DLG2: variants seen among roughly 807,000 people sequenced by gnomAD.
DLG2 encodes the protein disks large homolog 2.
A neutral mutation model predicts 132.5 loss-of-function variants in DLG2; 45 were observed. The observed-to-expected ratio is 0.34, with a 90% confidence interval of 0.27 to 0.44. The LOEUF (loss-of-function observed/expected upper bound fraction) is 0.44, where lower values mean the gene tolerates loss of function less well. Ranked by LOEUF, DLG2 falls within the 20% of genes least tolerant of loss-of-function variation. DLG2 has a pLI of 1.00. For missense variants in DLG2, 1,045 were observed against 1,196.9 expected (o/e 0.87, Z 1.87); for synonymous variants, 424 against 419.6 (o/e 1.01, Z -0.13).
chr11:84,844,135 G>GTATATA lies in DLG2; in HGVS notation c.357+267520_357+267525dup, dbSNP rs74200849. 5.9e-3 allele frequency among the ~76,000 whole-genome samples: 258 copies of GTATATA among 43,618 alleles called. 4 individuals carry two copies. The highest frequency in any genetic ancestry group is 0.031 in the East Asian group (50 of 1,612). 28.6% of individuals were successfully genotyped at this position (43,618 alleles called of 152,430 possible). On this transcript the variant is annotated intron_variant, in intron 6 of 27. Coordinates refer to ENST00000376104, the MANE Select transcript of DLG2 (RefSeq NM_001142699.3). ...TGTGTGTGTGTGTGTGTGTGTGTGT[G>GTATATA]TATATATATATATATATATATATAT...
chr11:84,297,160 T>C (rs1187181622), intron 7 of DLG2, among the ~76,000 whole-genome samples: 1 of 147,798 alleles, frequency 6.8e-6, no homozygotes. Flanking sequence ...ACGAGCATGA[T>C]TGATTAATAT....
At chr11:84,655,322 G>T (rs1473815706) in intron 6 of DLG2, among the ~76,000 whole-genome samples, 1 of 152,114 alleles carries the variant, frequency 6.6e-6, no homozygotes, top group Non-Finnish European at 1.5e-5. Flanking sequence ...AGCCTCAAGA[G>T]AATGCAAACA....
chr11:85,343,147 G>A (rs1358138957), intron 3 of DLG2, among the ~76,000 whole-genome samples: 1 of 152,008 alleles, frequency 6.6e-6, no homozygotes, highest in Non-Finnish European at 1.5e-5. Context: ...GAATGGCTTT[G>A]TCCAAACCAG....
At chr11:84,890,409 C>T (rs979944881) in intron 6 of DLG2, among the ~76,000 whole-genome samples, 1 of 152,246 alleles carries the variant, frequency 6.6e-6, no homozygotes, top group Middle Eastern at 3.4e-3. Flanking sequence ...ACTGATTAGT[C>T]ATATTCTTAT....
chr11:84,837,797 G>T (rs189976758), intron 6 of DLG2, among the ~76,000 whole-genome samples: 1 of 151,832 alleles, frequency 6.6e-6, no homozygotes, highest in African/African-American at 2.4e-5. Context: ...CACTCATTCC[G>T]CAATCTCCAG....
At chr11:85,161,916 G>C (rs1259573272) in intron 4 of DLG2, among the ~76,000 whole-genome samples, 1 of 152,138 alleles carries the variant, frequency 6.6e-6, no homozygotes, top group Non-Finnish European at 1.5e-5. Flanking sequence ...GGAATCAAGG[G>C]GTGGAAGTGG....
chr11:83,963,017 G>A lies in DLG2; in HGVS notation c.1208C>T (p.Ser403Phe). The A allele has an allele frequency of 6.2e-7, 1 of 1,612,660 alleles. No homozygotes were observed. Among genetic ancestry groups the A allele is most frequent in the East Asian group, 2.2e-5 (1 of 44,850 alleles). ...GAGTAGATGGTTTTCCATTGGTGGA[G>A]AATAAGCTAAGAGGTGGGGGAAAAA... ...YGPPDITHSY[S>F]PPMENHLLSG... The change falls in exon 14 of 28, where the codon TCT (serine) becomes TTT (phenylalanine). Residue 403 changes from serine (S) to phenylalanine (F), a missense_variant. By Grantham distance (155) the Ser-to-Phe change is radical. Around this residue, in one of 4 missense-constraint regions of DLG2, gnomAD observed 261 missense variants for 256.1 expected, o/e 1.02. Transcript: ENST00000376104.
Position 85,135,195 on chromosome 11 carries a change from TC to T in DLG2, c.282+19360del, listed in dbSNP as rs562351584. Among the ~76,000 whole-genome samples the T allele has an allele frequency of 3.9e-5, 6 of 152,318 alleles. 1 individual carries two copies. In the East Asian group the frequency reaches 1.2e-3, roughly 29 times the overall value. Reference sequence around the variant, plus strand: ...CCATATTCATGTTCAAAATAATTAGTCTTTGTGTCCCTATAGCACCTTAAAG... The same window carrying T: ...CCATATTCATGTTCAAAATAATTAGTTTTGTGTCCCTATAGCACCTTAAAG... On this transcript the variant is annotated intron_variant, in intron 5 of 27. Coordinates refer to ENST00000376104, the MANE Select transcript of DLG2 (RefSeq NM_001142699.3).
At chr11:84,415,188 G>A (rs2098924924) in intron 7 of DLG2, among the ~76,000 whole-genome samples, 1 of 152,052 alleles carries the variant, frequency 6.6e-6, no homozygotes, top group Non-Finnish European at 1.5e-5. Context: ...AACTTGTTCT[G>A]GAAATGTGAT....
chr11:84,804,412 A>C (rs969829028), intron 6 of DLG2, among the ~76,000 whole-genome samples: 1 of 152,212 alleles, frequency 6.6e-6, no homozygotes, highest in Admixed American at 6.5e-5. Context: ...CATGAAGTAG[A>C]AGAGATTTTC....
intron 3 of DLG2, among the ~76,000 whole-genome samples, chr11:85,319,631 G>A (rs1245557705): frequency 6.6e-6 from 1 of 151,860 alleles, no homozygotes; most frequent in African/African-American, 2.4e-5. Context: ...GTAGAGAAGA[G>A]AAATGGAACG....
intron 18 of DLG2, among the ~76,000 whole-genome samples, chr11:83,653,081 C>T (rs2071122421): frequency 6.6e-6 from 1 of 152,190 alleles, no homozygotes. Flanking sequence ...CTTCCCAATG[C>T]TGTACGCAAC....
At chr11:84,021,834 G>A (rs1191298492) in intron 11 of DLG2, among the ~76,000 whole-genome samples, 3 of 150,714 alleles carry the variant, frequency 2.0e-5, no homozygotes, top group South Asian at 2.1e-4. Flanking sequence ...CTCAACCTCC[G>A]CCTACCGGGT....
chr11:85,306,180 T>G (rs2079929895), intron 3 of DLG2, among the ~76,000 whole-genome samples: 1 of 152,202 alleles, frequency 6.6e-6, no homozygotes, highest in African/African-American at 2.4e-5. Context: ...AAATGTCAGT[T>G]TACCTCCCCT....
intron 6 of DLG2, among the ~76,000 whole-genome samples, chr11:84,893,616 T>C (rs1023387819): frequency 1.3e-5 from 2 of 152,136 alleles, no homozygotes; most frequent in Non-Finnish European, 1.5e-5. Context: ...GCAGGTTCAT[T>C]TTGAAAAAAT....
chr11:83,942,696 G>A (rs2082929862), intron 14 of DLG2, among the ~76,000 whole-genome samples: 1 of 152,068 alleles, frequency 6.6e-6, no homozygotes. Flanking sequence ...GGGATTATGG[G>A]TACTTTTGAT....
intron 6 of DLG2, among the ~76,000 whole-genome samples, chr11:84,684,948 T>C (rs1336711256): frequency 6.6e-6 from 1 of 152,206 alleles, no homozygotes; most frequent in Non-Finnish European, 1.5e-5. Context: ...ATATAAGATT[T>C]TGACATTATT....
At chr11:85,622,659 A>G (rs1215961043) in intron 2 of DLG2, among the ~76,000 whole-genome samples, 2 of 152,014 alleles carry the variant, frequency 1.3e-5, no homozygotes, top group African/African-American at 4.8e-5. Flanking sequence ...CACTTTTATG[A>G]AGTATACAGT....
intron 18 of DLG2, among the ~76,000 whole-genome samples, chr11:83,725,829 G>A (rs2153692626): frequency 6.6e-6 from 1 of 152,302 alleles, no homozygotes; most frequent in Non-Finnish European, 1.5e-5. Flanking sequence ...TTGGTCATTT[G>A]ATTAAGCGGA....
Sources: allele counts gnomAD v4.1 joint callset (sites outside exome capture counted in the v4.1 genomes callset), GRCh38; gene constraint gnomAD v4.1.1; regional missense constraint gnomAD v4.1.1; transcripts MANE v1.5; gene names NCBI Gene and HGNC (gene_info 2026-07-23, HGNC 2026-07-21).